The following BRSK1 variants were observed in gnomAD, a reference collection of about 807,000 sequenced individuals.
BRSK1 encodes the protein BR serine/threonine kinase 1, also known as serine/threonine-protein kinase BRSK1.
In BRSK1, 17 loss-of-function variants were observed where a neutral mutation model predicts 86.2. The observed-to-expected ratio is 0.20, with a 90% confidence interval of 0.14 to 0.30. BRSK1 has a LOEUF of 0.30. Ranked by LOEUF, BRSK1 falls within the 10% of genes least tolerant of loss-of-function variation. The probability of loss-of-function intolerance (pLI) is 1.00; values close to 1 mark genes in which losing one functional copy is unlikely to be tolerated. For missense variants in BRSK1, 719 were observed against 1,071.9 expected, an observed-to-expected ratio of 0.67 and a Z score of 4.60; for synonymous variants, 464 against 440.1, an observed-to-expected ratio of 1.05 and a Z score of -0.68.
Position 55,294,789 on chromosome 19 carries a change from A to G in BRSK1, c.678+392A>G, listed in dbSNP as rs969257567. ...AGTGCTGGGATTCCAGGTGTGAGCC[A>G]CTGAACCCGGCCTATTTATTTATGT... On this transcript the variant is annotated intron_variant, in intron 7 of 18. Coordinates refer to ENST00000309383, the MANE Select transcript of BRSK1 (RefSeq NM_032430.2). The surrounding 1 kb of genome is among the most constrained non-coding windows in gnomAD (Gnocchi z 4.9). Among the ~76,000 whole-genome samples the G allele has an allele frequency of 1.3e-5, 2 of 151,760 alleles. No individual in the cohort carries two copies. The highest frequency in any genetic ancestry group is 4.2e-4 in the South Asian group (2 of 4,816).
chr19:55,306,664 A>G lies in BRSK1; in HGVS notation c.2089+214A>G, dbSNP rs2088655453. Among the ~76,000 whole-genome samples, 1 of 152,182 alleles carries G rather than the reference A, an allele frequency of 6.6e-6. No individual in the cohort carries two copies. The highest frequency in any genetic ancestry group is 2.1e-4 in the South Asian group (1 of 4,830). On this transcript the variant is annotated intron_variant, in intron 17 of 18. Transcript: ENST00000309383. This position sits in a 1 kb window ranked among gnomAD's most constrained non-coding sequence, Gnocchi z 4.7. ...GCATTTCCCTGGCATTTACAGTGTA[A>G]ATAATGAATGCATTATCTCCTTGAA...
intron 7 of BRSK1, among the ~76,000 whole-genome samples, chr19:55,295,695 C>G (rs2088476432): frequency 6.6e-6 from 1 of 152,262 alleles, no homozygotes; most frequent in South Asian, 2.1e-4. Flanking sequence ...AGGCCGGGCA[C>G]GGAGGCTCAC....
chr19:55,298,688 AT>A (rs1263666186), intron 7 of BRSK1, among the ~76,000 whole-genome samples: 1 of 152,204 alleles, frequency 6.6e-6, no homozygotes, highest in Non-Finnish European at 1.5e-5. Context: ...TTCAGCTCTC[AT>A]CCTGTAAACA....
At position 55,301,523 on chromosome 19, in the gene BRSK1, C is replaced by G; in HGVS notation, c.690C>G (p.Pro230=). ...TATCTCTTGCCCAGGGGGCTCTGCC[C>G]TTTGATGACGACAACCTCCGCCAGC... The part of the protein sequence containing the change: ...ILFALLVGAL[P]FDDDNLRQLL... The change falls in exon 8 of 19, where the codon CCC becomes CCG. Residue 230 remains proline, a synonymous_variant. Coordinates refer to ENST00000309383, the MANE Select transcript of BRSK1 (RefSeq NM_032430.2). The G allele has an allele frequency of 3.7e-6, 6 of 1,613,772 alleles. No individual in the cohort carries two copies. Among genetic ancestry groups the G allele is most frequent in the South Asian group, 1.1e-5 (1 of 90,996 alleles).
chr19:55,284,374 C>A lies in BRSK1; in HGVS notation c.-69C>A. 1.1e-6 allele frequency: 1 copy of A among 950,708 alleles called. No individual in the cohort carries two copies. Among genetic ancestry groups the A allele is most frequent in the Non-Finnish European group, 1.3e-6 (1 of 748,236 alleles). 58.9% of individuals were successfully genotyped at this position (950,708 alleles called of 1,614,324 possible). ...GGGACGGAGCGGTCGCCGGCCCCCA[C>A]CGGAGAGACGGGGCGACGGCCGCAG... On this transcript the variant is annotated 5_prime_UTR_variant, in exon 1 of 19. Coordinates refer to ENST00000309383, the MANE Select transcript of BRSK1 (RefSeq NM_032430.2).
At chr19:55,298,991 T>C (rs540930812) in intron 7 of BRSK1, among the ~76,000 whole-genome samples, 1 of 152,176 alleles carries the variant, frequency 6.6e-6, no homozygotes, top group African/African-American at 2.4e-5. Flanking sequence ...CCCAGCACTT[T>C]AGGAGGCTGA....
Position 55,284,512 on chromosome 19 carries a change from C to A in BRSK1, c.70C>A (p.Pro24Thr). The part of the protein sequence containing the change: ...AYHLPHPHPH[P>T]PQHAQYVGPY... Reference sequence around the variant, plus strand: ...CCACCTCCCCCACCCCCACCCCCACCCACCCCAGCACGCCCAATATGTGGG... The same window carrying A: ...CCACCTCCCCCACCCCCACCCCCACACACCCCAGCACGCCCAATATGTGGG... The change falls in exon 1 of 19, where the codon CCA (proline) becomes ACA (threonine). Residue 24 changes from proline (P) to threonine (T), a missense_variant. Around this residue, in one of 6 missense-constraint regions of BRSK1, gnomAD observed 71 missense variants for 92.6 expected, o/e 0.77. Coordinates refer to ENST00000309383, the MANE Select transcript of BRSK1 (RefSeq NM_032430.2). 7.6e-7 allele frequency: 1 copy of A among 1,319,826 alleles called. No homozygotes were observed. The highest frequency in any genetic ancestry group is 9.9e-7 in the Non-Finnish European group (1 of 1,014,852). 81.8% of individuals were successfully genotyped at this position (1,319,826 alleles called of 1,614,324 possible).
rs1341436474 is a variant in BRSK1, at chr19:55,303,941, C to T, written c.1287-109C>T. On this transcript the variant is annotated intron_variant, in intron 12 of 18. Transcript: ENST00000309383. The surrounding 1 kb of genome is among the most constrained non-coding windows in gnomAD (Gnocchi z 5.1). ...GTCCTTGGGACAATTCACCTCCCCT[C>T]TCTGGGCCTCATTTCCTCACCTGGA... is the stretch of plus-strand genomic sequence containing the variant. 14 of 1,508,394 alleles carry T rather than the reference C, an allele frequency of 9.3e-6. No individual in the cohort carries two copies. The highest frequency in any genetic ancestry group is 1.2e-5 in the Non-Finnish European group (14 of 1,122,990). 93.4% of individuals were successfully genotyped at this position (1,508,394 alleles called of 1,614,324 possible). A position where few individuals can be genotyped will look rare whatever the true frequency, so the allele number is the denominator to read the frequency against.
At position 55,287,145 on chromosome 19, in the gene BRSK1, C is replaced by CGCG; in HGVS notation, c.231+45_231+46insCGG. Reference sequence around the variant, plus strand: ...GTGTGCCTGCGGGTGGGGGGGCCTCCGGGGCTGAGGGCAGGGGCGGGGCCG... The same window carrying CGCG: ...GTGTGCCTGCGGGTGGGGGGGCCTCCGCGGGGGCTGAGGGCAGGGGCGGGGCCG... On this transcript the variant is annotated intron_variant, in intron 2 of 18. Transcript: ENST00000309383. This position sits in a 1 kb window ranked among gnomAD's most constrained non-coding sequence, Gnocchi z 5.3. 1 of 810,762 alleles carries CGCG rather than the reference C, an allele frequency of 1.2e-6. No individual in the cohort carries two copies. The highest frequency in any genetic ancestry group is 2.0e-6 in the Non-Finnish European group (1 of 507,388). The allele number at this position is 810,762 out of a possible 1,614,324, so 50.2% of individuals were successfully genotyped here. A position where few individuals can be genotyped will look rare whatever the true frequency, so the allele number is the denominator to read the frequency against.
Position 55,305,580 on chromosome 19 carries a change from T to G in BRSK1, c.1884T>G (p.Phe628Leu), listed in dbSNP as rs1181482685. The change falls in exon 16 of 19, where the codon TTT becomes TTG. Residue 628 changes from phenylalanine (F) to leucine (L), a missense_variant. Phe to Leu is a conservative substitution (Grantham distance 22). Coordinates refer to ENST00000309383, the MANE Select transcript of BRSK1 (RefSeq NM_032430.2). ...SSIKADIVHA[F>L]LSIPSLSHSV... Reference sequence around the variant, plus strand: ...TCAAAGCAGACATCGTCCATGCCTTTCTGTCGGTGAGGGGCCTGGGTCCCC... The same window carrying G: ...TCAAAGCAGACATCGTCCATGCCTTGCTGTCGGTGAGGGGCCTGGGTCCCC... 2 of 1,613,994 alleles carry G rather than the reference T, an allele frequency of 1.2e-6. No homozygotes were observed. Among genetic ancestry groups the G allele is most frequent in the African/African-American group, 2.7e-5 (2 of 74,928 alleles).
rs12978445 is a variant in BRSK1, at chr19:55,311,976, G to A, written c.2245G>A (p.Gly749Ser). 135,094 of 1,256,332 alleles carry A rather than the reference G, an allele frequency of 0.11. 6,422 individuals are homozygous for A. The highest frequency in any genetic ancestry group is 0.15 in the Middle Eastern group (654 of 4,432). The allele number at this position is 1,256,332 out of a possible 1,614,324, so 77.8% of individuals were successfully genotyped here. A position where few individuals can be genotyped will look rare whatever the true frequency, so the allele number is the denominator to read the frequency against. The change falls in exon 19 of 19, where the codon GGC becomes AGC. Residue 749 changes from glycine to serine, a missense_variant. By Grantham distance (56) the Gly-to-Ser change is moderately conservative. Around this residue, in one of 6 missense-constraint regions of BRSK1, gnomAD observed 82 missense variants for 72.6 expected, o/e 1.13. Coordinates refer to ENST00000309383, the MANE Select transcript of BRSK1 (RefSeq NM_032430.2). The part of the protein sequence containing the change: ...APPRSLQPPP[G>S]RPDPELSSSP... ...ACCCCGAAGCCTGCAGCCCCCACCC[G>A]GCCGCCCAGACCCAGAGCTGAGCAG...
intron 17 of BRSK1, among the ~76,000 whole-genome samples, chr19:55,307,054 G>C (rs1009116355): frequency 6.6e-6 from 1 of 152,180 alleles, no homozygotes; most frequent in African/African-American, 2.4e-5. Flanking sequence ...AAAATACCTT[G>C]CTTCCAGTTC....
At chr19:55,301,438 G>C in intron 7 of BRSK1, 74 bp from the exon 8 acceptor site, 2 of 1,539,324 alleles carry the variant, frequency 1.3e-6, no homozygotes, top group Non-Finnish European at 1.8e-6. Context: ...GGAGATCACC[G>C]TAGTTCCCCA....
intron 7 of BRSK1, among the ~76,000 whole-genome samples, chr19:55,295,423 C>A (rs62127760): frequency 6.6e-6 from 1 of 152,000 alleles, no homozygotes; most frequent in East Asian, 1.9e-4. Flanking sequence ...CGAACCCAGC[C>A]CATCTCTCGA....
At chr19:55,288,256 G>A (rs561071583) in intron 3 of BRSK1, among the ~76,000 whole-genome samples, 32 of 152,052 alleles carry the variant, frequency 2.1e-4, no homozygotes, top group Admixed American at 1.8e-3. Flanking sequence ...CAAGATGGGC[G>A]GATTTCTTGA....
Position 55,305,316 on chromosome 19 carries a change from A to G in BRSK1, c.1718-5A>G, listed in dbSNP as rs1387107911. 1 of 1,613,896 alleles carries G rather than the reference A, an allele frequency of 6.2e-7. No homozygotes were observed. The highest frequency in any genetic ancestry group is 8.5e-7 in the Non-Finnish European group (1 of 1,179,984). On this transcript the variant is annotated splice_polypyrimidine_tract_variant and splice_region_variant and intron_variant, in intron 14 of 18. Transcript: ENST00000309383. Reference sequence around the variant, plus strand: ...TGACCACGTTCTCTGCCTTCCCCCTACCAGTCCCTACCGCTGAGGAGATGT... The same window carrying G: ...TGACCACGTTCTCTGCCTTCCCCCTGCCAGTCCCTACCGCTGAGGAGATGT...
intron 17 of BRSK1, among the ~76,000 whole-genome samples, chr19:55,307,067 C>G (rs1284489379): frequency 6.6e-6 from 1 of 152,182 alleles, no homozygotes; most frequent in South Asian, 2.1e-4. Flanking sequence ...TCCAGTTCTG[C>G]TTTCTGTTTG....
At position 55,284,422 on chromosome 19, in the gene BRSK1, C is replaced by A. The variant is rs1213952291; in HGVS notation, c.-21C>A. Reference sequence around the variant, plus strand: ...CAGGGGGGGCGGCCGGGGGACCGGTCGGGCCGGGACCAAGGGCACCATGTC... The same window carrying A: ...CAGGGGGGGCGGCCGGGGGACCGGTAGGGCCGGGACCAAGGGCACCATGTC... On this transcript the variant is annotated 5_prime_UTR_variant, in exon 1 of 19. Transcript: ENST00000309383. The A allele has an allele frequency of 8.4e-6, 10 of 1,184,594 alleles. No individual in the cohort carries two copies. Among genetic ancestry groups the A allele is most frequent in the Non-Finnish European group, 1.1e-5 (10 of 930,046 alleles). 73.4% of individuals were successfully genotyped at this position (1,184,594 alleles called of 1,614,324 possible).
Position 55,310,822 on chromosome 19 carries a change from G to A in BRSK1, c.2180-1089G>A, listed in dbSNP as rs1379215934. On this transcript the variant is annotated intron_variant, in intron 18 of 18. Coordinates refer to ENST00000309383, the MANE Select transcript of BRSK1 (RefSeq NM_032430.2). The surrounding 1 kb of genome is among the most constrained non-coding windows in gnomAD (Gnocchi z 5.0). ...GAGGAAAGCTGGCCTCAGCAACCAGGGGTCTCAAAACGGGCACACCCTGGA... is the reference window on the plus strand; with the variant it reads ...GAGGAAAGCTGGCCTCAGCAACCAGAGGTCTCAAAACGGGCACACCCTGGA... Among the ~76,000 whole-genome samples, 4 of 152,094 alleles carry A rather than the reference G, an allele frequency of 2.6e-5. No homozygotes were observed. Among genetic ancestry groups the A allele is most frequent in the Non-Finnish European group, 5.9e-5 (4 of 68,026 alleles).
Sources: gnomAD v4.1 joint callset for allele counts (sites outside exome capture counted in the v4.1 genomes callset) on GRCh38, gnomAD v4.1.1 for gene constraint, gnomAD v4.1.1 regional missense constraint, Gnocchi (gnomAD v3.1) non-coding constraint, MANE v1.5 for transcripts, NCBI Gene and HGNC (gene_info 2026-07-23, HGNC 2026-07-21) for gene names.